MTMR3: variants seen among roughly 807,000 people sequenced by gnomAD.
The protein encoded by MTMR3 is myotubularin related protein 3, also known as phosphatidylinositol-3,5-bisphosphate 3-phosphatase MTMR3.
MTMR3 carries 32 observed loss-of-function variants against 132.4 expected under a neutral mutation model. The ratio of observed to expected loss-of-function variants is 0.24; its 90% CI spans 0.18 to 0.32. The LOEUF (loss-of-function observed/expected upper bound fraction) is 0.32, where lower values mean the gene tolerates loss of function less well. Among genes scored for constraint, MTMR3 ranks in the 10% least tolerant of loss-of-function variants. MTMR3 has a pLI of 1.00. For synonymous variants in MTMR3, 556 were observed against 550.3 expected (o/e 1.01, Z -0.14); for missense variants, 1,216 against 1,489.6 (o/e 0.82, Z 3.02).
intron 12 of MTMR3, chr22:30,009,706 T>G (rs1177862691): frequency 6.6e-6 from 1 of 152,464 alleles, no homozygotes; most frequent in African/African-American, 2.4e-5. Flanking sequence ...GAAGGTGAAC[T>G]AATACCCCCT....
intron 1 of MTMR3, among the ~76,000 whole-genome samples, chr22:29,904,992 C>T (rs2065069071): frequency 6.6e-6 from 1 of 152,122 alleles, no homozygotes; most frequent in South Asian, 2.1e-4. Flanking sequence ...TACATTTCTA[C>T]CAAGATTTAA....
chr22:29,958,268 A>T (rs988768600), intron 2 of MTMR3, among the ~76,000 whole-genome samples: 1 of 152,090 alleles, frequency 6.6e-6, no homozygotes, highest in Non-Finnish European at 1.5e-5. Context: ...CCACCTGTTT[A>T]GGGAACTGTA....
intron 1 of MTMR3, among the ~76,000 whole-genome samples, chr22:29,898,434 T>C (rs1464969435): frequency 6.6e-6 from 1 of 151,992 alleles, no homozygotes; most frequent in Non-Finnish European, 1.5e-5. Context: ...ACAGGGTAGG[T>C]CTCTGTCCCT....
intron 1 of MTMR3, among the ~76,000 whole-genome samples, chr22:29,943,859 G>A (rs189527687): frequency 4.3e-5 from 6 of 141,154 alleles, no homozygotes; most frequent in East Asian, 2.2e-4. Context: ...GGTCTGGCTC[G>A]ATTGCCCAGG....
intron 2 of MTMR3, among the ~76,000 whole-genome samples, chr22:29,958,838 C>T (rs1438348182): frequency 6.6e-6 from 1 of 152,166 alleles, no homozygotes; most frequent in Non-Finnish European, 1.5e-5. Flanking sequence ...GATACCAATG[C>T]CTTCTCAGTA....
Position 30,020,897 on chromosome 22 carries a change from T to C in MTMR3, c.3225+13T>C, listed in dbSNP as rs1299431745. 1 of 1,564,732 alleles carries C rather than the reference T, an allele frequency of 6.4e-7. No individual in the cohort carries two copies. Among genetic ancestry groups the C allele is most frequent in the Admixed American group, 1.9e-5 (1 of 52,764 alleles). On this transcript the variant is annotated intron_variant, in intron 17 of 19. Coordinates refer to ENST00000401950, the MANE Select transcript of MTMR3 (RefSeq NM_021090.4). ...TGGGGATGAGGTGGTGAGTAGGCTG[T>C]GGTATTCCTCCATAGCTGCCCAAGG...
At chr22:29,923,011 A>G (rs369202352) in intron 1 of MTMR3, among the ~76,000 whole-genome samples, 1 of 149,478 alleles carries the variant, frequency 6.7e-6, no homozygotes, top group East Asian at 2.0e-4. Context: ...AGTGGCTGAG[A>G]CCACAGGTGC....
chr22:29,976,136 T>TA (rs1290707073), intron 3 of MTMR3, among the ~76,000 whole-genome samples: 7 of 141,204 alleles, frequency 5.0e-5, no homozygotes, highest in African/African-American at 1.8e-4. Flanking sequence ...TTTTTTTTTT[T>TA]AAATCACACT....
At chr22:29,947,418 G>A (rs2065973566) in intron 1 of MTMR3, among the ~76,000 whole-genome samples, 1 of 151,188 alleles carries the variant, frequency 6.6e-6, no homozygotes, top group Middle Eastern at 3.4e-3. Flanking sequence ...ACTCCATAAT[G>A]TATGAGGATA....
intron 12 of MTMR3, chr22:30,012,157 C>T (rs760640380): frequency 2.2e-4 from 112 of 506,680 alleles, no homozygotes; most frequent in Admixed American, 4.0e-4. Context: ...TTAATTGTAG[C>T]CCCTATTTCT....
chr22:29,931,474 T>C (rs891996635), intron 1 of MTMR3, among the ~76,000 whole-genome samples: 1 of 152,154 alleles, frequency 6.6e-6, no homozygotes, highest in Admixed American at 6.6e-5. Flanking sequence ...CAGGCTGGAG[T>C]GCAATGGCAT....
chr22:29,967,582 C>G (rs1602587794), intron 2 of MTMR3, among the ~76,000 whole-genome samples: 2 of 151,674 alleles, frequency 1.3e-5, no homozygotes, highest in East Asian at 3.9e-4. Flanking sequence ...AAAATCCACC[C>G]TTTTAAAGTA....
intron 1 of MTMR3, among the ~76,000 whole-genome samples, chr22:29,954,799 T>G (rs566504048): frequency 3.7e-4 from 57 of 152,292 alleles, no homozygotes; most frequent in Non-Finnish European, 7.5e-4. Flanking sequence ...CTCCCCCAAT[T>G]TACCTGTTGG....
intron 3 of MTMR3, among the ~76,000 whole-genome samples, chr22:29,974,601 A>G (rs1702026050): frequency 1.3e-5 from 2 of 152,214 alleles, no homozygotes; most frequent in Non-Finnish European, 2.9e-5. Flanking sequence ...GGTGATACAT[A>G]TTGGTCTGGA....
chr22:29,906,302 A>ATCTATCTG (rs1555894478), intron 1 of MTMR3, among the ~76,000 whole-genome samples: 2 of 92,266 alleles, frequency 2.2e-5, no homozygotes, highest in African/African-American at 8.0e-5. Context: ...CTATCTATCT[A>ATCTATCTG]TCTATCTATC....
rs1293768438 is a variant in MTMR3 at position 30,028,934 on chromosome 22, G to A, written c.*3133G>A. 1.3e-5 allele frequency: 2 copies of A among 152,330 alleles called. No individual in the cohort carries two copies. The highest frequency in any genetic ancestry group is 2.9e-5 in the Non-Finnish European group (2 of 68,044). 9.4% of individuals were successfully genotyped at this position (152,330 alleles called of 1,614,324 possible). On this transcript the variant is annotated 3_prime_UTR_variant, in exon 20 of 20. Coordinates refer to ENST00000401950, the MANE Select transcript of MTMR3 (RefSeq NM_021090.4). ...ACCATGAGTGTGTGCCATGGCCATCGTGTCTACACACAGCCACTATTGTTC... is the reference window on the plus strand; with the variant it reads ...ACCATGAGTGTGTGCCATGGCCATCATGTCTACACACAGCCACTATTGTTC...
intron 2 of MTMR3, among the ~76,000 whole-genome samples, chr22:29,963,156 G>A (rs5997556): frequency 3.3e-5 from 5 of 151,596 alleles, no homozygotes; most frequent in East Asian, 1.9e-4. Flanking sequence ...CATGTTGCCC[G>A]GGCTGGTCCC....
chr22:29,951,011 C>T (rs545332516), intron 1 of MTMR3, among the ~76,000 whole-genome samples: 3 of 151,926 alleles, frequency 2.0e-5, no homozygotes, highest in African/African-American at 4.8e-5. Context: ...ATTAGCTGGG[C>T]GTGGTGGCAT....
At chr22:29,931,784 T>TTC (rs1230600479) in intron 1 of MTMR3, among the ~76,000 whole-genome samples, 2 of 150,814 alleles carry the variant, frequency 1.3e-5, no homozygotes, top group Non-Finnish European at 2.9e-5. Flanking sequence ...AGAATCCTTT[T>TTC]TTTTTTTTTT....
Sources: allele counts gnomAD v4.1 joint callset (sites outside exome capture counted in the v4.1 genomes callset), GRCh38; gene constraint gnomAD v4.1.1; transcripts MANE v1.5; gene names NCBI Gene and HGNC (gene_info 2026-07-23, HGNC 2026-07-21).